ATP13A5: variants seen among roughly 807,000 people sequenced by gnomAD.
ATP13A5 encodes the protein probable cation-transporting ATPase 13A5.
Under a neutral mutation model 150.2 loss-of-function variants are expected in ATP13A5, and 149 were observed. That is an observed-to-expected ratio of 0.99 (90% CI 0.87 to 1.14). ATP13A5 has a LOEUF of 1.14. Among genes scored for constraint, ATP13A5 ranks in the 50% most tolerant of loss-of-function variants. ATP13A5 has a pLI of 0.00. For missense variants in ATP13A5, 1,383 were observed against 1,449.3 expected, an observed-to-expected ratio of 0.95 and a Z score of 0.74; for synonymous variants, 497 against 522.2, an observed-to-expected ratio of 0.95 and a Z score of 0.66.
intron 9 of ATP13A5, 131 bp downstream of exon 9, chr3:193,343,796 G>T: frequency 1.0e-6 from 1 of 1,001,054 alleles, no homozygotes; most frequent in Non-Finnish European, 1.4e-6. Context: ...CCATATAAAT[G>T]CAAAGGCTGG....
At chr3:193,311,690 C>A in intron 20 of ATP13A5, 126 bp downstream of exon 20, 1 of 1,356,838 alleles carries the variant, frequency 7.4e-7, no homozygotes, top group Non-Finnish European at 1.0e-6. Context: ...GAGCAGTACT[C>A]CTTTGGGGGT....
chr3:193,284,960 G>A lies in ATP13A5; in HGVS notation c.3180C>T (p.Phe1060=), dbSNP rs751880044. The A allele has an allele frequency of 6.2e-7, 1 of 1,614,038 alleles. No individual in the cohort carries two copies. Among genetic ancestry groups the A allele is most frequent in the East Asian group, 2.2e-5 (1 of 44,862 alleles). The change falls in exon 27 of 30, where the codon TTC becomes TTT. Residue 1060 remains phenylalanine, a synonymous_variant. Coordinates refer to ENST00000342358, the MANE Select transcript of ATP13A5 (RefSeq NM_198505.4). ...ITTINYITVA[F]IFSKGKPFRK... is the part of the protein sequence containing the mutation. ...GAAATGGCTTTCCCTTAGAAAAGAT[G>A]AATGCTACTGTGATATAGTTGATGG...
At chr3:193,286,124 T>C (rs1717713480) in intron 26 of ATP13A5, among the ~76,000 whole-genome samples, 1 of 152,206 alleles carries the variant, frequency 6.6e-6, no homozygotes, top group Non-Finnish European at 1.5e-5. Flanking sequence ...CTATTTCCAA[T>C]GTTCTTTTTT....
At chr3:193,341,163 T>G (rs1045650218) in intron 9 of ATP13A5, among the ~76,000 whole-genome samples, 1 of 122,364 alleles carries the variant, frequency 8.2e-6, no homozygotes, top group Non-Finnish European at 1.7e-5. Context: ...AATTAACATA[T>G]TCCCCCCCCC....
At chr3:193,300,230 T>C (rs906498462) in intron 24 of ATP13A5, among the ~76,000 whole-genome samples, 1 of 152,160 alleles carries the variant, frequency 6.6e-6, no homozygotes, top group Non-Finnish European at 1.5e-5. Context: ...ATATTCAGAA[T>C]GAGATGGAGC....
intron 1 of ATP13A5, among the ~76,000 whole-genome samples, chr3:193,373,578 T>C (rs945718043): frequency 2.0e-5 from 3 of 152,182 alleles, no homozygotes; most frequent in Non-Finnish European, 1.5e-5. Context: ...ACTTAACATA[T>C]GTATTCCTGC....
intron 1 of ATP13A5, among the ~76,000 whole-genome samples, chr3:193,369,597 G>C (rs73076758): frequency 0.028 from 3,759 of 134,440 alleles, 142 homozygotes; most frequent in African/African-American, 0.099. Context: ...GAGAAATGCA[G>C]GGTAGAGGAG....
chr3:193,376,636 AT>A (rs1713654508), intron 1 of ATP13A5, among the ~76,000 whole-genome samples: 1 of 152,170 alleles, frequency 6.6e-6, no homozygotes, highest in Non-Finnish European at 1.5e-5. Flanking sequence ...AGATTGACCC[AT>A]CACCTAGGTG....
Position 193,275,191 on chromosome 3 carries a change from A to G in ATP13A5, c.3508T>C (p.Trp1170Arg). 1 of 1,614,220 alleles carries G rather than the reference A, an allele frequency of 6.2e-7. No individual in the cohort carries two copies. The highest frequency in any genetic ancestry group is 8.5e-7 in the Non-Finnish European group (1 of 1,180,042). Reference protein sequence around the residue: ...WQKKLAEDSTWPPINRTDYSG... With the variant: ...WQKKLAEDSTRPPINRTDYSG... ...TAATCTGTCCTGTTTATGGGAGGCCAGGTTGAGTCTTCTGCTAGCTTCTTT... is the reference window on the plus strand; with the variant it reads ...TAATCTGTCCTGTTTATGGGAGGCCGGGTTGAGTCTTCTGCTAGCTTCTTT... The change falls in exon 30 of 30, where the codon TGG becomes CGG. Residue 1170 changes from tryptophan to arginine, a missense_variant. By Grantham distance (101) the Trp-to-Arg change is moderately radical. Coordinates refer to ENST00000342358, the MANE Select transcript of ATP13A5 (RefSeq NM_198505.4).
At chr3:193,290,114 G>A (rs1459316673) in intron 25 of ATP13A5, 55 bp from the exon 26 acceptor site, 5 of 1,515,966 alleles carry the variant, frequency 3.3e-6, no homozygotes, top group Non-Finnish European at 4.4e-6. Context: ...AGAATAAAAG[G>A]TTGAGATTGA....
At chr3:193,276,309 A>G (rs1717197213) in intron 29 of ATP13A5, among the ~76,000 whole-genome samples, 1 of 152,246 alleles carries the variant, frequency 6.6e-6, no homozygotes, top group Non-Finnish European at 1.5e-5. Context: ...ACACCGTAAG[A>G]GGAAGACCTT....
chr3:193,295,695 C>T (rs1718141148), intron 25 of ATP13A5, among the ~76,000 whole-genome samples: 1 of 152,048 alleles, frequency 6.6e-6, no homozygotes, highest in Admixed American at 6.6e-5. Flanking sequence ...TTGCAAGTGC[C>T]AATTTATTGT....
At chr3:193,361,925 C>T (rs531336327) in intron 5 of ATP13A5, among the ~76,000 whole-genome samples, 1 of 152,292 alleles carries the variant, frequency 6.6e-6, no homozygotes, top group South Asian at 2.1e-4. Flanking sequence ...ACCAAAGAAT[C>T]AGGCACTGTT....
At chr3:193,341,677 G>C (rs937219764) in intron 9 of ATP13A5, among the ~76,000 whole-genome samples, 5 of 152,164 alleles carry the variant, frequency 3.3e-5, no homozygotes, top group Non-Finnish European at 7.3e-5. Context: ...TCAGACAAGG[G>C]TGAGGAAGAC....
intron 20 of ATP13A5, 113 bp from the exon 21 acceptor site, chr3:193,310,830 G>A (rs1718817185): frequency 1.5e-6 from 1 of 685,046 alleles, no homozygotes; most frequent in Non-Finnish European, 2.4e-6. Flanking sequence ...AGCATTGGAT[G>A]GTATGTCATT....
intron 24 of ATP13A5, among the ~76,000 whole-genome samples, chr3:193,300,010 T>C (rs1369195387): frequency 6.6e-6 from 1 of 152,128 alleles, no homozygotes; most frequent in Non-Finnish European, 1.5e-5. Context: ...CTTATTTAGG[T>C]CTAGACCACT....
intron 1 of ATP13A5, among the ~76,000 whole-genome samples, chr3:193,377,042 C>T (rs1183776090): frequency 6.6e-6 from 1 of 152,160 alleles, no homozygotes; most frequent in African/African-American, 2.4e-5. Flanking sequence ...ACTGGGGCAC[C>T]TGGCTCATTA....
intron 25 of ATP13A5, among the ~76,000 whole-genome samples, chr3:193,292,632 G>A (rs1009726113): frequency 6.6e-6 from 1 of 152,154 alleles, no homozygotes; most frequent in East Asian, 1.9e-4. Context: ...AATGAAAAAT[G>A]TGGAGTAGAC....
At chr3:193,302,192 C>G (rs1718427973) in intron 23 of ATP13A5, among the ~76,000 whole-genome samples, 1 of 152,050 alleles carries the variant, frequency 6.6e-6, no homozygotes, top group African/African-American at 2.4e-5. Context: ...AAGATGTGGT[C>G]AACAGAACAG....
Sources: allele counts gnomAD v4.1 joint callset (sites outside exome capture counted in the v4.1 genomes callset), GRCh38; gene constraint gnomAD v4.1.1; transcripts MANE v1.5; gene names NCBI Gene and HGNC (gene_info 2026-07-23, HGNC 2026-07-21).